The following ACACA variants were observed in gnomAD, a reference collection of about 807,000 sequenced individuals.
ACACA encodes the protein acetyl-CoA carboxylase alpha, also known as acetyl-CoA carboxylase 1.
Under a neutral mutation model 296.1 loss-of-function variants are expected in ACACA, and 103 were observed. That is an observed-to-expected ratio of 0.35 (90% CI 0.30 to 0.41). The LOEUF (loss-of-function observed/expected upper bound fraction) is 0.41, where lower values mean the gene tolerates loss of function less well. Ranked by LOEUF, ACACA falls within the 10% of genes least tolerant of loss-of-function variation. The pLI is 1.00. For missense variants in ACACA, 1,554 were observed against 2,989.7 expected (o/e 0.52, Z 11.20); for synonymous variants, 953 against 1,038.6 (o/e 0.92, Z 1.58).
At chr17:37,125,563 C>T in intron 48 of ACACA, 135 bp downstream of exon 48, 1 of 897,762 alleles carries the variant, frequency 1.1e-6, no homozygotes. Flanking sequence ...TTGCCTTGGG[C>T]ATGGCTATAA....
intron 45 of ACACA, among the ~76,000 whole-genome samples, chr17:37,137,430 T>G (rs988359696): frequency 7.9e-5 from 12 of 152,124 alleles, no homozygotes; most frequent in African/African-American, 2.9e-4. Context: ...TTAGAACACA[T>G]GAAAGGCCTA....
chr17:37,227,981 G>C lies in ACACA; in HGVS notation c.3247-1529C>G, dbSNP rs570772505. ...CCAAAGGGCCTGCTTGTTGCTGCAT[G>C]TTAATCTCCCCACTTTGATTATCAG... is the stretch of plus-strand genomic sequence containing the variant. On this transcript the variant is annotated intron_variant, in intron 25 of 55. Coordinates refer to ENST00000616317, the MANE Select transcript of ACACA (RefSeq NM_198834.3). Among the ~76,000 whole-genome samples, 5 of 152,040 alleles carry C rather than the reference G, an allele frequency of 3.3e-5. No homozygotes were observed. In the South Asian group the frequency reaches 1.0e-3, roughly 31 times the overall value.
At chr17:37,152,579 C>A (rs759492760) in intron 43 of ACACA, among the ~76,000 whole-genome samples, 17 of 152,020 alleles carry the variant, frequency 1.1e-4, no homozygotes, top group Non-Finnish European at 1.8e-4. Context: ...GAAATGCTGA[C>A]CAAGTTGTCC....
intron 35 of ACACA, among the ~76,000 whole-genome samples, chr17:37,195,315 T>C (rs2077944564): frequency 6.6e-6 from 1 of 152,108 alleles, no homozygotes; most frequent in Non-Finnish European, 1.5e-5. Context: ...AAAACAGTAA[T>C]AAAAAATGCT....
At chr17:37,400,959 G>C (rs2051264842) in intron 1 of ACACA, among the ~76,000 whole-genome samples, 1 of 152,032 alleles carries the variant, frequency 6.6e-6, no homozygotes, top group Admixed American at 6.6e-5. Flanking sequence ...AATTTTTAAG[G>C]AACCTCCATA....
chr17:37,113,058 C>T lies in ACACA; in HGVS notation c.6452+30G>A, dbSNP rs1482717931. 5 of 1,613,536 alleles carry T rather than the reference C, an allele frequency of 3.1e-6. No homozygotes were observed. Among genetic ancestry groups the T allele is most frequent in the Non-Finnish European group, 4.2e-6 (5 of 1,179,840 alleles). On this transcript the variant is annotated intron_variant, in intron 51 of 55. Transcript: ENST00000616317. The surrounding 1 kb of genome is among the most constrained non-coding windows in gnomAD (Gnocchi z 4.0). ...CCAACAGCTACAGGGTCCCTAAAGG[C>T]AGTGAATGGAAATGTGGAAGGCACG...
chr17:37,293,175 C>G (rs1293820080), intron 3 of ACACA, among the ~76,000 whole-genome samples: 2 of 152,200 alleles, frequency 1.3e-5, no homozygotes, highest in African/African-American at 4.8e-5. Context: ...TTTTCCACGT[C>G]TTTCTCCCCT....
At chr17:37,278,764 G>GT (rs2082378861) in intron 5 of ACACA, among the ~76,000 whole-genome samples, 1 of 152,098 alleles carries the variant, frequency 6.6e-6, no homozygotes, top group Admixed American at 6.5e-5. Context: ...GAGGAGTTAA[G>GT]TAACTTCCTC....
intron 39 of ACACA, among the ~76,000 whole-genome samples, chr17:37,187,033 C>A (rs941082302): frequency 2.0e-5 from 3 of 152,064 alleles, no homozygotes; most frequent in Non-Finnish European, 4.4e-5. Flanking sequence ...TAAAAACATC[C>A]CTACCCATTG....
intron 3 of ACACA, among the ~76,000 whole-genome samples, chr17:37,314,080 CAT>C (rs2046972474): frequency 1.3e-5 from 2 of 150,616 alleles, no homozygotes; most frequent in Non-Finnish European, 2.9e-5. Context: ...TTCCCTAAGA[CAT>C]ATTTCCTTTC....
chr17:37,117,987 C>G (rs1273621577), intron 50 of ACACA, among the ~76,000 whole-genome samples: 1 of 152,100 alleles, frequency 6.6e-6, no homozygotes, highest in African/African-American at 2.4e-5. Context: ...AGTATTGAAA[C>G]CAAAACTGCA....
In ACACA at chr17:37,244,632, C is replaced by T; in HGVS notation, c.2698G>A (p.Val900Ile). The change falls in exon 21 of 56, where the codon GTA becomes ATA. Residue 900 changes from valine (V) to isoleucine (I), a missense_variant. Physicochemically the swap from Val to Ile is conservative, Grantham distance 29. Transcript: ENST00000616317. Reference sequence around the variant, plus strand: ...TCTGGAAGGCAGTATCCATTCATTACATTGACCAGATTATCCAGGACATAA... The same window carrying T: ...TCTGGAAGGCAGTATCCATTCATTATATTGACCAGATTATCCAGGACATAA... ...FHYVLDNLVN[V>I]MNGYCLPDPF... The T allele has an allele frequency of 6.2e-7, 1 of 1,614,166 alleles. No individual in the cohort carries two copies. Among genetic ancestry groups the T allele is most frequent in the South Asian group, 1.1e-5 (1 of 91,084 alleles).
chr17:37,317,237 A>G lies in ACACA; in HGVS notation c.338+12936T>C, dbSNP rs571090988. The stretch of plus-strand genomic sequence containing the variant: ...TAAAAAATACAGAAAGGAAATATAT[A>G]AAATATGAATAGTGATTACTATGGA... On this transcript the variant is annotated intron_variant, in intron 3 of 55. Coordinates refer to ENST00000616317, the MANE Select transcript of ACACA (RefSeq NM_198834.3). Among the ~76,000 whole-genome samples the G allele has an allele frequency of 5.3e-5, 8 of 152,312 alleles. No homozygotes were observed. The South Asian group carries it at 1.7e-3, about 32-fold the overall frequency.
At chr17:37,379,479 G>T (rs2147728821) in intron 1 of ACACA, 1 of 1,417,214 alleles carries the variant, frequency 7.1e-7, no homozygotes, top group Non-Finnish European at 9.5e-7. Context: ...ACAAGAAAAT[G>T]AATTATCCAC....
intron 25 of ACACA, among the ~76,000 whole-genome samples, chr17:37,234,602 T>C (rs1447245467): frequency 6.6e-6 from 1 of 152,148 alleles, no homozygotes; most frequent in African/African-American, 2.4e-5. Flanking sequence ...ATGAGAGCCA[T>C]TGCTTGTATC....
At chr17:37,282,488 A>G (rs76370660) in intron 5 of ACACA, among the ~76,000 whole-genome samples, 5,258 of 152,294 alleles carry the variant, frequency 0.035, 180 homozygotes, top group African/African-American at 0.085. Context: ...GTGTCTTCTC[A>G]ATTTCTAAAT....
At chr17:37,120,995 C>A (rs983149163) in intron 50 of ACACA, among the ~76,000 whole-genome samples, 7 of 152,098 alleles carry the variant, frequency 4.6e-5, no homozygotes, top group African/African-American at 1.7e-4. Context: ...GTCTTGGTCA[C>A]TGTAGAACAT....
intron 3 of ACACA, among the ~76,000 whole-genome samples, chr17:37,321,622 C>A (rs983830344): frequency 6.6e-6 from 1 of 152,182 alleles, no homozygotes; most frequent in Non-Finnish European, 1.5e-5. Context: ...GCGGCATGTG[C>A]CTGTAGTCCC....
At chr17:37,381,705 G>A (rs531647393) in intron 1 of ACACA, among the ~76,000 whole-genome samples, 1 of 144,446 alleles carries the variant, frequency 6.9e-6, no homozygotes, top group Non-Finnish European at 1.5e-5. Context: ...TCAGCTCACT[G>A]CAAGCTCCGC....
Sources: allele counts gnomAD v4.1 joint callset (sites outside exome capture counted in the v4.1 genomes callset), GRCh38; gene constraint gnomAD v4.1.1; non-coding constraint Gnocchi (gnomAD v3.1); transcripts MANE v1.5; gene names NCBI Gene and HGNC (gene_info 2026-07-23, HGNC 2026-07-21).